Variants in ANKS1B observed in about 807,000 individuals in gnomAD.
ANKS1B encodes ankyrin repeat and sterile alpha motif domain-containing protein 1B.
In ANKS1B, 36 loss-of-function variants were observed where a neutral mutation model predicts 148.3. The observed-to-expected ratio is 0.24, with a 90% CI of 0.19 to 0.32. The LOEUF is 0.32. Among genes scored for constraint, ANKS1B ranks in the 10% least tolerant of loss-of-function variants. ANKS1B has a pLI of 1.00. For missense variants in ANKS1B, 1,157 were observed against 1,542.6 expected (o/e 0.75, Z 4.19); for synonymous variants, 542 against 560.8 (o/e 0.97, Z 0.47).
chr12:99,603,895 T>G (rs887134514), intron 9 of ANKS1B, among the ~76,000 whole-genome samples: 2 of 152,120 alleles, frequency 1.3e-5, no homozygotes, highest in African/African-American at 2.4e-5. Context: ...GTTAGCAGTC[T>G]CATTAAGTCA....
chr12:99,079,475 A>T (rs2048931378), intron 16 of ANKS1B, among the ~76,000 whole-genome samples: 1 of 152,206 alleles, frequency 6.6e-6, no homozygotes. Context: ...TCAGGTGTTC[A>T]TTATGTAGTA....
intron 1 of ANKS1B, among the ~76,000 whole-genome samples, chr12:99,944,235 C>A (rs2094996472): frequency 6.6e-6 from 1 of 152,184 alleles, no homozygotes; most frequent in Non-Finnish European, 1.5e-5. Context: ...TAAGGGAATT[C>A]TTGGGCCTAG....
chr12:99,768,544 A>G (rs1006946436), intron 8 of ANKS1B, among the ~76,000 whole-genome samples: 1 of 152,000 alleles, frequency 6.6e-6, no homozygotes, highest in Non-Finnish European at 1.5e-5. Context: ...AAACATCAGG[A>G]GGGCTGGGCG....
intron 8 of ANKS1B, among the ~76,000 whole-genome samples, chr12:99,696,657 G>A (rs1196421020): frequency 1.3e-5 from 2 of 152,100 alleles, no homozygotes; most frequent in Non-Finnish European, 2.9e-5. Flanking sequence ...AGATAGTGTT[G>A]GGTTTGGCAA....
intron 9 of ANKS1B, among the ~76,000 whole-genome samples, chr12:99,625,030 T>C (rs2098096763): frequency 6.6e-6 from 1 of 152,088 alleles, no homozygotes; most frequent in Admixed American, 6.6e-5. Flanking sequence ...ATAAATAAAA[T>C]GTGATACATA....
intron 17 of ANKS1B, among the ~76,000 whole-genome samples, chr12:98,849,063 T>C (rs1435620743): frequency 1.3e-5 from 2 of 152,098 alleles, no homozygotes; most frequent in Non-Finnish European, 2.9e-5. Context: ...TCATGAAGAA[T>C]TTTTTAAAGG....
intron 17 of ANKS1B, among the ~76,000 whole-genome samples, chr12:98,987,761 G>A (rs1761698536): frequency 6.6e-6 from 1 of 152,094 alleles, no homozygotes; most frequent in Admixed American, 6.6e-5. Context: ...TAGAACTAAA[G>A]TTGTAAAAAG....
At chr12:99,125,820 A>T (rs1455066680) in intron 15 of ANKS1B, among the ~76,000 whole-genome samples, 1 of 152,116 alleles carries the variant, frequency 6.6e-6, no homozygotes, top group African/African-American at 2.4e-5. Context: ...CCCTTTTCTT[A>T]AAAAAAATTA....
chr12:99,098,165 A>T (rs2056828142), intron 15 of ANKS1B, among the ~76,000 whole-genome samples: 1 of 152,218 alleles, frequency 6.6e-6, no homozygotes, highest in South Asian at 2.1e-4. Flanking sequence ...AAATGGAAGC[A>T]TAAAGATTAC....
chr12:98,827,512 C>T (rs144494482), intron 19 of ANKS1B, among the ~76,000 whole-genome samples: 1 of 152,224 alleles, frequency 6.6e-6, no homozygotes, highest in African/African-American at 2.4e-5. Flanking sequence ...ATAAGGGATG[C>T]ATTTCTGATT....
chr12:98,863,645 T>C (rs948798780), intron 17 of ANKS1B, among the ~76,000 whole-genome samples: 1 of 152,262 alleles, frequency 6.6e-6, no homozygotes, highest in Admixed American at 6.5e-5. Context: ...TTACTCTTTA[T>C]GTCAGATCAG....
intron 1 of ANKS1B, among the ~76,000 whole-genome samples, chr12:99,864,596 G>A (rs2090488381): frequency 6.6e-6 from 1 of 152,162 alleles, no homozygotes; most frequent in African/African-American, 2.4e-5. Flanking sequence ...AAGCTTCTTA[G>A]AGAAGCATGA....
chr12:99,015,529 A>T (rs920963291), intron 17 of ANKS1B, among the ~76,000 whole-genome samples: 2 of 152,196 alleles, frequency 1.3e-5, no homozygotes, highest in Non-Finnish European at 2.9e-5. Flanking sequence ...ATAAAATAAA[A>T]AGAACTGGGT....
chr12:99,271,087 T>C (rs1455165751), intron 12 of ANKS1B, among the ~76,000 whole-genome samples: 1 of 152,242 alleles, frequency 6.6e-6, no homozygotes, highest in African/African-American at 2.4e-5. Context: ...TGCCTATCTC[T>C]CTGGCATAAC....
At chr12:99,031,225 T>C (rs1396365095) in intron 17 of ANKS1B, among the ~76,000 whole-genome samples, 5 of 152,338 alleles carry the variant, frequency 3.3e-5, no homozygotes, top group African/African-American at 2.4e-5. Context: ...CCAAGTCAAA[T>C]TGATTAAAGA....
chr12:99,525,150 C>T (rs986319095), intron 9 of ANKS1B, among the ~76,000 whole-genome samples: 33 of 151,970 alleles, frequency 2.2e-4, no homozygotes, highest in Middle Eastern at 3.2e-3. Context: ...GTTACAGCAG[C>T]GTTAGGAAAC....
At chr12:99,825,213 A>C (rs1223334306) in intron 2 of ANKS1B, 96 bp downstream of exon 2, 15 of 1,012,512 alleles carry the variant, frequency 1.5e-5, no homozygotes, top group Non-Finnish European at 2.2e-5. Flanking sequence ...AGCCCATTGG[A>C]CTCACAGAGA....
intron 15 of ANKS1B, among the ~76,000 whole-genome samples, chr12:99,137,786 C>T (rs1205685317): frequency 2.0e-5 from 3 of 151,996 alleles, no homozygotes; most frequent in South Asian, 2.1e-4. Flanking sequence ...TATGCTGTTC[C>T]GCTTGCCTGA....
At chr12:99,525,683 TG>T (rs1306018483) in intron 9 of ANKS1B, among the ~76,000 whole-genome samples, 4 of 152,190 alleles carry the variant, frequency 2.6e-5, no homozygotes, top group Non-Finnish European at 5.9e-5. Flanking sequence ...GAATTACTAC[TG>T]CATTCCTTAT....
Sources: allele counts gnomAD v4.1 joint callset (sites outside exome capture counted in the v4.1 genomes callset), GRCh38; gene constraint gnomAD v4.1.1; transcripts MANE v1.5; gene names NCBI Gene and HGNC (gene_info 2026-07-23, HGNC 2026-07-21).